The following LINGO2 variants were observed in gnomAD, a reference collection of about 807,000 sequenced individuals.
LINGO2 encodes the protein leucine-rich repeat and immunoglobulin-like domain-containing nogo receptor-interacting protein 2.
LINGO2 carries 14 observed loss-of-function variants against 30.6 expected under a neutral mutation model. The ratio of observed to expected loss-of-function variants is 0.46; its 90% confidence interval spans 0.30 to 0.72. LINGO2 has a LOEUF of 0.72. Among genes scored for constraint, LINGO2 ranks in the 30% least tolerant of loss-of-function variants. The pLI, the probability that LINGO2 is intolerant of heterozygous loss-of-function variation, is 0.07. For missense variants in LINGO2, 729 were observed against 751.7 expected, an observed-to-expected ratio of 0.97 and a Z score of 0.35; for synonymous variants, 317 against 288.5, an observed-to-expected ratio of 1.10 and a Z score of -1.00.
chr9:28,182,010 A>G (rs1819361840), intron 4 of LINGO2, among the ~76,000 whole-genome samples: 1 of 152,124 alleles, frequency 6.6e-6, no homozygotes, highest in South Asian at 2.1e-4. Context: ...AGCCAAGACA[A>G]CCCTAAAAAA....
intron 1 of LINGO2, among the ~76,000 whole-genome samples, chr9:28,625,003 T>C (rs1193437289): frequency 1.3e-5 from 2 of 151,926 alleles, no homozygotes; most frequent in Non-Finnish European, 2.9e-5. Context: ...CTAGATCACA[T>C]GCCATCCTAG....
At chr9:28,358,582 A>T (rs1820321156) in intron 3 of LINGO2, among the ~76,000 whole-genome samples, 1 of 152,152 alleles carries the variant, frequency 6.6e-6, no homozygotes, top group Admixed American at 6.6e-5. Flanking sequence ...CTGGGGAAGA[A>T]AAGAGTTGAG....
the LINGO2 span, among the ~76,000 whole-genome samples, chr9:29,173,422 T>C: frequency 2.0e-5 from 3 of 152,092 alleles, no homozygotes; most frequent in African/African-American, 7.2e-5. Context: ...GGCAACGAAT[T>C]TACCGATTTA....
At chr9:28,942,147 A>G in the LINGO2 span, among the ~76,000 whole-genome samples, 1 of 152,306 alleles carries the variant, frequency 6.6e-6, no homozygotes, top group East Asian at 1.9e-4. Context: ...GCTATTGTGA[A>G]AGGAAAAGTA....
At chr9:28,894,680 T>C in the LINGO2 span, among the ~76,000 whole-genome samples, 1 of 151,956 alleles carries the variant, frequency 6.6e-6, no homozygotes, top group Non-Finnish European at 1.5e-5. Flanking sequence ...ATATAATATT[T>C]GTTGATATGA....
At chr9:29,099,045 G>GATGCATA in the LINGO2 span, among the ~76,000 whole-genome samples, 2 of 152,210 alleles carry the variant, frequency 1.3e-5, no homozygotes, top group African/African-American at 4.8e-5. Flanking sequence ...ATAGACCAGC[G>GATGCATA]GAACAGAATA....
chr9:29,151,101 C>T, the LINGO2 span, among the ~76,000 whole-genome samples: 1 of 151,740 alleles, frequency 6.6e-6, no homozygotes, highest in Non-Finnish European at 1.5e-5. Context: ...GATTGGAGGC[C>T]TATTTACAGC....
chr9:29,044,357 T>C, the LINGO2 span, among the ~76,000 whole-genome samples: 1 of 152,010 alleles, frequency 6.6e-6, no homozygotes. Context: ...TTTTGTATAC[T>C]CTGACATATT....
chr9:28,609,996 A>G (rs1213326487), intron 1 of LINGO2, among the ~76,000 whole-genome samples: 8 of 152,114 alleles, frequency 5.3e-5, no homozygotes, highest in Admixed American at 4.6e-4. Flanking sequence ...GCAGAATAAC[A>G]TATTATTTTT....
the LINGO2 span, among the ~76,000 whole-genome samples, chr9:28,790,183 C>G: frequency 2.0e-5 from 3 of 152,084 alleles, no homozygotes; most frequent in Non-Finnish European, 4.4e-5. Flanking sequence ...AGAGTATTCA[C>G]GCAGTATATA....
At chr9:28,567,720 T>G (rs1160173681) in intron 1 of LINGO2, among the ~76,000 whole-genome samples, 1 of 151,752 alleles carries the variant, frequency 6.6e-6, no homozygotes, top group Non-Finnish European at 1.5e-5. Context: ...GGGTGACGGG[T>G]TCATTAGAAG....
chr9:29,075,034 G>A, the LINGO2 span, among the ~76,000 whole-genome samples: 1 of 152,012 alleles, frequency 6.6e-6, no homozygotes, highest in Non-Finnish European at 1.5e-5. Flanking sequence ...ATAATTTTAT[G>A]TGCTTTCGTC....
the LINGO2 span, among the ~76,000 whole-genome samples, chr9:28,893,284 T>A: frequency 6.6e-6 from 1 of 152,004 alleles, no homozygotes; most frequent in Non-Finnish European, 1.5e-5. Flanking sequence ...CATTTCTCAA[T>A]ATATGATGGT....
At chr9:28,882,853 T>G in the LINGO2 span, among the ~76,000 whole-genome samples, 1 of 152,216 alleles carries the variant, frequency 6.6e-6, no homozygotes, top group South Asian at 2.1e-4. Flanking sequence ...CCTGTCTCTT[T>G]TCTGTAGTTT....
chr9:28,467,814 G>A (rs1825374109), intron 2 of LINGO2, among the ~76,000 whole-genome samples: 2 of 151,784 alleles, frequency 1.3e-5, no homozygotes, highest in East Asian at 3.9e-4. Context: ...TATTAGAGTA[G>A]GAAATAACAT....
At chr9:29,048,055 G>A in the LINGO2 span, among the ~76,000 whole-genome samples, 2 of 152,094 alleles carry the variant, frequency 1.3e-5, no homozygotes, top group African/African-American at 4.8e-5. Context: ...AGGTTGTAGT[G>A]AGCTGAGATC....
chr9:28,288,432 T>C (rs994793118), intron 4 of LINGO2, among the ~76,000 whole-genome samples: 1 of 152,180 alleles, frequency 6.6e-6, no homozygotes, highest in Non-Finnish European at 1.5e-5. Context: ...TTCTAACAGT[T>C]TTAACAGTCC....
At chr9:29,013,080 C>T in the LINGO2 span, among the ~76,000 whole-genome samples, 1 of 152,116 alleles carries the variant, frequency 6.6e-6, no homozygotes, top group Non-Finnish European at 1.5e-5. Context: ...GATTACTTCT[C>T]CCCACCCTAG....
chr9:28,055,456 T>C (rs545490940), intron 4 of LINGO2, among the ~76,000 whole-genome samples: 1 of 152,258 alleles, frequency 6.6e-6, no homozygotes, highest in Admixed American at 6.5e-5. Context: ...AGCAAGTCTG[T>C]TTGCATAAAA....
Sources: gnomAD v4.1 joint callset for allele counts (sites outside exome capture counted in the v4.1 genomes callset) on GRCh38, gnomAD v4.1.1 for gene constraint, MANE v1.5 for transcripts, NCBI Gene and HGNC (gene_info 2026-07-23, HGNC 2026-07-21) for gene names.